NRG1: variants seen among roughly 807,000 people sequenced by gnomAD.
NRG1 encodes neuregulin 1, also known as pro-neuregulin-1, membrane-bound isoform.
Under a neutral mutation model 63.8 loss-of-function variants are expected in NRG1, and 18 were observed. The ratio of observed to expected loss-of-function variants is 0.28; its 90% confidence interval spans 0.19 to 0.42. NRG1 has a LOEUF of 0.42. Ranked by LOEUF, NRG1 falls within the 10% of genes least tolerant of loss-of-function variation. The probability of loss-of-function intolerance (pLI) is 1.00; values close to 1 mark genes in which losing one functional copy is unlikely to be tolerated. For missense variants in NRG1, 762 were observed against 814.7 expected, an observed-to-expected ratio of 0.94 and a Z score of 0.79; for synonymous variants, 302 against 301.3, an observed-to-expected ratio of 1.00 and a Z score of -0.02.
intron 1 of NRG1, among the ~76,000 whole-genome samples, chr8:31,751,174 A>C (rs1816421332): frequency 6.6e-6 from 1 of 152,018 alleles, no homozygotes; most frequent in Non-Finnish European, 1.5e-5. Context: ...TACTATTGGC[A>C]AGACATCTTA....
intron 5 of NRG1, among the ~76,000 whole-genome samples, chr8:32,634,601 G>A (rs886789072): frequency 6.6e-6 from 1 of 152,132 alleles, no homozygotes. Context: ...AAATAAATCT[G>A]TCCAAAGTAG....
intron 1 of NRG1, among the ~76,000 whole-genome samples, chr8:31,864,173 T>TAATTCATG (rs1828731527): frequency 6.6e-6 from 1 of 152,176 alleles, no homozygotes; most frequent in Admixed American, 6.5e-5. Context: ...TTTTGTTTAT[T>TAATTCATG]AATTCATGAA....
chr8:32,699,942 C>T (rs1386055630), intron 5 of NRG1, among the ~76,000 whole-genome samples: 3 of 152,102 alleles, frequency 2.0e-5, no homozygotes, highest in Admixed American at 6.6e-5. Context: ...ATAAGTTACA[C>T]GTTATAAGAT....
chr8:31,737,891 T>G (rs1198946439), intron 1 of NRG1, among the ~76,000 whole-genome samples: 1 of 152,112 alleles, frequency 6.6e-6, no homozygotes, highest in Non-Finnish European at 1.5e-5. Flanking sequence ...TTATTAGAGA[T>G]TCTGAGTCAT....
chr8:32,763,810 C>A, exon 12 of NRG1: 1 of 1,601,222 alleles, frequency 6.2e-7, no homozygotes, highest in Non-Finnish European at 8.5e-7. Flanking sequence ...ACGCCAAGCT[C>A]CCCCAAATCG....
At chr8:31,674,928 C>T (rs984814971) in intron 1 of NRG1, among the ~76,000 whole-genome samples, 19 of 152,170 alleles carry the variant, frequency 1.2e-4, no homozygotes, top group African/African-American at 4.1e-4. Context: ...CATTTTCAGG[C>T]CCTTGGATGC....
At chr8:31,814,879 C>A (rs1030944204) in intron 1 of NRG1, among the ~76,000 whole-genome samples, 1 of 151,670 alleles carries the variant, frequency 6.6e-6, no homozygotes, top group African/African-American at 2.4e-5. Flanking sequence ...ACAAATGGTG[C>A]CCCCCTGCAA....
At chr8:32,683,427 A>G (rs552872221) in intron 5 of NRG1, among the ~76,000 whole-genome samples, 4 of 152,196 alleles carry the variant, frequency 2.6e-5, no homozygotes, top group African/African-American at 4.8e-5. Flanking sequence ...CTACTTCACA[A>G]TCTCCCTCTA....
At chr8:31,812,257 C>T (rs903240796) in intron 1 of NRG1, among the ~76,000 whole-genome samples, 4 of 152,264 alleles carry the variant, frequency 2.6e-5, no homozygotes, top group African/African-American at 9.6e-5. Context: ...CAAATGCTAG[C>T]CTGTATGAGG....
At chr8:32,523,137 A>G (rs75126921) in intron 1 of NRG1, among the ~76,000 whole-genome samples, 16 of 152,194 alleles carry the variant, frequency 1.1e-4, no homozygotes, top group African/African-American at 3.4e-4. Context: ...AAGTTTCTCA[A>G]AGAAATGCTC....
At chr8:32,255,374 T>G (rs1310588002) in intron 1 of NRG1, among the ~76,000 whole-genome samples, 1 of 152,254 alleles carries the variant, frequency 6.6e-6, no homozygotes, top group African/African-American at 2.4e-5. Context: ...GGAGCTCTTG[T>G]AAGGCAGACC....
chr8:32,210,841 A>G (rs993630467), intron 1 of NRG1, among the ~76,000 whole-genome samples: 38 of 152,208 alleles, frequency 2.5e-4, no homozygotes, highest in African/African-American at 8.7e-4. Flanking sequence ...GCCCAGGACA[A>G]AACATTCATA....
intron 1 of NRG1, among the ~76,000 whole-genome samples, chr8:32,209,118 G>A (rs143730821): frequency 6.6e-6 from 1 of 152,146 alleles, no homozygotes; most frequent in Admixed American, 6.5e-5. Context: ...TGAAATATAA[G>A]GATAATAATG....
At chr8:32,732,306 A>T (rs1437074905) in intron 6 of NRG1, among the ~76,000 whole-genome samples, 1 of 152,268 alleles carries the variant, frequency 6.6e-6, no homozygotes, top group African/African-American at 2.4e-5. Context: ...AACAAGACAC[A>T]TGAAATCAAA....
chr8:32,433,568 A>G (rs1315835775), intron 1 of NRG1, among the ~76,000 whole-genome samples: 2 of 152,204 alleles, frequency 1.3e-5, no homozygotes, highest in Non-Finnish European at 2.9e-5. Context: ...TCCACAAAAG[A>G]GAATAATTAT....
chr8:32,353,183 G>A (rs541547216), intron 1 of NRG1, among the ~76,000 whole-genome samples: 3 of 150,376 alleles, frequency 2.0e-5, no homozygotes, highest in South Asian at 2.1e-4. Context: ...AATTAAAATA[G>A]CATGTTATGC....
At chr8:32,504,412 C>A (rs1364106541) in intron 1 of NRG1, among the ~76,000 whole-genome samples, 4 of 151,998 alleles carry the variant, frequency 2.6e-5, no homozygotes, top group African/African-American at 9.7e-5. Flanking sequence ...TATATTTAAC[C>A]ATTAAATAAT....
intron 1 of NRG1, among the ~76,000 whole-genome samples, chr8:32,590,387 T>A (rs1004303209): frequency 6.6e-6 from 1 of 152,186 alleles, no homozygotes; most frequent in Non-Finnish European, 1.5e-5. Context: ...AATTATGAAC[T>A]GCGGTAGACC....
chr8:32,756,935 TAG>T (rs1273840501), intron 9 of NRG1, among the ~76,000 whole-genome samples: 12 of 152,180 alleles, frequency 7.9e-5, no homozygotes, highest in Non-Finnish European at 1.3e-4. Flanking sequence ...CAAAGAGCTT[TAG>T]AGTTATTTTC....
Sources: allele counts gnomAD v4.1 joint callset (sites outside exome capture counted in the v4.1 genomes callset), GRCh38; gene constraint gnomAD v4.1.1; transcripts MANE v1.5; gene names NCBI Gene and HGNC (gene_info 2026-07-23, HGNC 2026-07-21).